Variants in XIRP2 observed in about 807,000 individuals in gnomAD.
The protein encoded by XIRP2 is xin actin binding repeat containing 2.
Under a neutral mutation model 277.0 loss-of-function variants are expected in XIRP2, and 236 were observed. The ratio of observed to expected loss-of-function variants is 0.85; its 90% CI spans 0.77 to 0.95. The LOEUF is 0.95. Ranked by LOEUF, XIRP2 falls within the 40% of genes least tolerant of loss-of-function variation. XIRP2 has a pLI of 0.00. For missense variants in XIRP2, 4,640 were observed against 4,157.5 expected, an observed-to-expected ratio of 1.12 and a Z score of -3.19; for synonymous variants, 1,490 against 1,416.5, an observed-to-expected ratio of 1.05 and a Z score of -1.17.
intron 2 of XIRP2, among the ~76,000 whole-genome samples, chr2:167,045,016 A>G (rs886603653): frequency 6.6e-5 from 10 of 152,052 alleles, no homozygotes; most frequent in Non-Finnish European, 5.9e-5. Context: ...GGCTACAGTA[A>G]CAAAAACAGC....
At chr2:167,220,434 G>T (rs535121106) in intron 5 of XIRP2, among the ~76,000 whole-genome samples, 2 of 152,208 alleles carry the variant, frequency 1.3e-5, no homozygotes, top group South Asian at 2.1e-4. Flanking sequence ...AAGAATAAAT[G>T]ATTTAGTATT....
intron 3 of XIRP2, among the ~76,000 whole-genome samples, chr2:167,161,389 C>T (rs1442042584): frequency 6.6e-6 from 1 of 152,260 alleles, no homozygotes; most frequent in African/African-American, 2.4e-5. Context: ...ACTGCCCCTG[C>T]AGCAAACTTC....
intron 3 of XIRP2, among the ~76,000 whole-genome samples, chr2:167,153,309 T>G (rs2105333336): frequency 6.6e-6 from 1 of 152,250 alleles, no homozygotes; most frequent in East Asian, 1.9e-4. Flanking sequence ...TATGCAACAT[T>G]GAAAAAGTTA....
At chr2:167,197,033 A>T (rs1190945354) in intron 3 of XIRP2, among the ~76,000 whole-genome samples, 2 of 152,232 alleles carry the variant, frequency 1.3e-5, no homozygotes, top group East Asian at 3.8e-4. Context: ...GGCAGAAGTT[A>T]CATTTGGCAG....
At chr2:167,200,887 A>G (rs941519755) in intron 3 of XIRP2, among the ~76,000 whole-genome samples, 5 of 152,090 alleles carry the variant, frequency 3.3e-5, no homozygotes, top group African/African-American at 1.2e-4. Flanking sequence ...GCACATGGGG[A>G]GGCCAAGGCA....
At chr2:166,900,720 C>A (rs1195694508) in intron 1 of XIRP2, among the ~76,000 whole-genome samples, 2 of 152,068 alleles carry the variant, frequency 1.3e-5, no homozygotes, top group Non-Finnish European at 2.9e-5. Context: ...AGTTGGGAGG[C>A]CCCTCTTTAT....
intron 2 of XIRP2, among the ~76,000 whole-genome samples, chr2:167,004,351 G>T (rs1473042): frequency 6.6e-6 from 1 of 151,684 alleles, no homozygotes; most frequent in South Asian, 2.1e-4. Flanking sequence ...TAAATGGCAG[G>T]ACCATTTGAC....
intron 2 of XIRP2, among the ~76,000 whole-genome samples, chr2:167,057,964 A>C (rs923568901): frequency 1.3e-5 from 2 of 151,826 alleles, no homozygotes; most frequent in Admixed American, 1.3e-4. Context: ...AAGTTTGAGT[A>C]GTCTAGTTTG....
At chr2:166,953,504 C>T (rs183292926) in intron 2 of XIRP2, among the ~76,000 whole-genome samples, 65 of 152,064 alleles carry the variant, frequency 4.3e-4, no homozygotes, top group African/African-American at 1.5e-3. Flanking sequence ...TGAGAACAGA[C>T]TAATACCTGT....
intron 1 of XIRP2, among the ~76,000 whole-genome samples, chr2:166,902,638 C>T (rs7595607): frequency 6.6e-6 from 1 of 151,756 alleles, no homozygotes; most frequent in Non-Finnish European, 1.5e-5. Flanking sequence ...TAAGAGTACA[C>T]TTTGCCATTT....
At chr2:166,963,518 CTCTT>C (rs1191310038) in intron 2 of XIRP2, among the ~76,000 whole-genome samples, 4 of 151,860 alleles carry the variant, frequency 2.6e-5, no homozygotes, top group African/African-American at 7.2e-5. Context: ...GGAGGAGAGA[CTCTT>C]TCGTAAGGAA....
At chr2:166,917,640 G>A (rs1235694083) in intron 2 of XIRP2, among the ~76,000 whole-genome samples, 1 of 151,854 alleles carries the variant, frequency 6.6e-6, no homozygotes, top group African/African-American at 2.4e-5. Flanking sequence ...AAAAAAGCCA[G>A]TAACCATACA....
At chr2:167,081,850 T>C (rs1689745549) in intron 2 of XIRP2, among the ~76,000 whole-genome samples, 2 of 152,320 alleles carry the variant, frequency 1.3e-5, no homozygotes, top group South Asian at 2.1e-4. Flanking sequence ...TAATAAATGA[T>C]TCTTGTTTCC....
chr2:167,114,431 C>T (rs186903055), intron 2 of XIRP2, among the ~76,000 whole-genome samples: 5 of 151,984 alleles, frequency 3.3e-5, no homozygotes, highest in South Asian at 4.2e-4. Context: ...TTTGTGGTTC[C>T]ATTATGCAAT....
At position 166,903,862 on chromosome 2, in the gene XIRP2, G is replaced by A; in HGVS notation, c.380G>A (p.Gly127Glu). The A allele has an allele frequency of 1.2e-6, 2 of 1,613,444 alleles. No individual in the cohort carries two copies. The highest frequency in any genetic ancestry group is 1.7e-6 in the Non-Finnish European group (2 of 1,179,584). ...AGTGTGTTTGAGGCTCCTAAGAGTG[G>A]AAACAAACCAGCTGAGTACGGTGGA... Reference protein sequence around the residue: ...LRSVFEAPKSGNKPAEYGGKE... With the variant: ...LRSVFEAPKSENKPAEYGGKE... Residue 127 changes from glycine to glutamate, a missense_variant, in exon 2 of 11, where the codon GGA becomes GAA. Transcript: ENST00000409195.
At chr2:167,062,714 AT>A (rs1689202757) in intron 2 of XIRP2, among the ~76,000 whole-genome samples, 1 of 152,022 alleles carries the variant, frequency 6.6e-6, no homozygotes, top group East Asian at 1.9e-4. Flanking sequence ...TATTACAGTT[AT>A]TTTTTTCTCT....
At chr2:167,142,909 A>C (rs1401981584) in intron 3 of XIRP2, among the ~76,000 whole-genome samples, 2 of 152,090 alleles carry the variant, frequency 1.3e-5, no homozygotes, top group East Asian at 3.9e-4. Flanking sequence ...AGTGATTTTG[A>C]AAAAATGGAA....
chr2:167,204,995 T>C (rs1693816572), intron 3 of XIRP2, among the ~76,000 whole-genome samples: 1 of 152,196 alleles, frequency 6.6e-6, no homozygotes, highest in South Asian at 2.1e-4. Context: ...TTACCCAATT[T>C]TCCCAGCACA....
rs1245529331 is a variant in XIRP2 at position 167,241,880 on chromosome 2, A to G, written c.1146A>G (p.Lys382=). ...SAQEKILYSD[K]EMTTPAKQIK... is the part of the protein sequence containing the mutation. The stretch of plus-strand genomic sequence containing the variant: ...AGGAAAAGATCCTTTATTCTGACAA[A>G]GAGATGACAACCCCAGCCAAGCAGA... Residue 382 remains lysine, a synonymous_variant, in exon 8 of 11, where the codon AAA becomes AAG. Transcript: ENST00000409195. The G allele has an allele frequency of 1.2e-6, 2 of 1,613,304 alleles. No individual in the cohort carries two copies. Among genetic ancestry groups the G allele is most frequent in the Admixed American group, 3.3e-5 (2 of 59,932 alleles).
Sources: allele counts gnomAD v4.1 joint callset (sites outside exome capture counted in the v4.1 genomes callset), GRCh38; gene constraint gnomAD v4.1.1; transcripts MANE v1.5; gene names NCBI Gene and HGNC (gene_info 2026-07-23, HGNC 2026-07-21).